Variants in NCK2 observed in about 807,000 individuals in gnomAD.
NCK2 encodes the protein cytoplasmic protein NCK2.
NCK2 carries 16 observed loss-of-function variants against 33.9 expected under a neutral mutation model. The ratio of observed to expected loss-of-function variants is 0.47; its 90% confidence interval spans 0.32 to 0.72. The LOEUF (loss-of-function observed/expected upper bound fraction) is 0.72. NCK2 is among the 30% of genes least tolerant of loss of function. NCK2 has a pLI of 0.03. For missense variants in NCK2, 418 were observed against 537.3 expected, an observed-to-expected ratio of 0.78 and a Z score of 2.19; for synonymous variants, 273 against 239.9, an observed-to-expected ratio of 1.14 and a Z score of -1.27.
chr2:105,839,979 A>G (rs79134111), intron 2 of NCK2, among the ~76,000 whole-genome samples: 14,464 of 152,220 alleles, frequency 0.095, 745 homozygotes, highest in South Asian at 0.15. Context: ...TGTAGTGGAC[A>G]TGCAGGTAAC....
At chr2:105,776,538 C>A (rs1690308714) in intron 1 of NCK2, among the ~76,000 whole-genome samples, 1 of 152,052 alleles carries the variant, frequency 6.6e-6, no homozygotes, top group Admixed American at 6.5e-5. Context: ...ATGCTGCCAG[C>A]CTTGGGTTGT....
chr2:105,773,409 G>T (rs1690199924), intron 1 of NCK2, among the ~76,000 whole-genome samples: 1 of 152,032 alleles, frequency 6.6e-6, no homozygotes, highest in Admixed American at 6.6e-5. Context: ...GCTCATGCTG[G>T]TTTTTCATCC....
At chr2:105,822,584 T>C (rs1437131403) in intron 2 of NCK2, among the ~76,000 whole-genome samples, 1 of 151,996 alleles carries the variant, frequency 6.6e-6, no homozygotes, top group African/African-American at 2.4e-5. Context: ...GTGGTGGTGA[T>C]CAAGGTTATG....
At chr2:105,809,697 A>G (rs969896510) in intron 1 of NCK2, among the ~76,000 whole-genome samples, 4 of 152,206 alleles carry the variant, frequency 2.6e-5, no homozygotes, top group African/African-American at 9.7e-5. Flanking sequence ...TCATGGTGTA[A>G]TCAGTACTAT....
chr2:105,844,689 C>A lies in NCK2; in HGVS notation c.-16-10359C>A, dbSNP rs567255018. Among the ~76,000 whole-genome samples, 27 of 148,780 alleles carry A rather than the reference C, an allele frequency of 1.8e-4. No individual in the cohort carries two copies. In the East Asian group the frequency reaches 4.9e-3, roughly 27 times the overall value. ...GGAGGAGGTTGCAGTGAGCTGAGAT[C>A]GCGCCACTGCACTCCAGCCTGAGCA... is the stretch of plus-strand genomic sequence containing the variant. On this transcript the variant is annotated intron_variant, in intron 2 of 4. Coordinates refer to ENST00000233154, the MANE Select transcript of NCK2 (RefSeq NM_003581.5).
intron 2 of NCK2, among the ~76,000 whole-genome samples, chr2:105,838,517 G>C (rs1676518100): frequency 6.6e-6 from 1 of 152,078 alleles, no homozygotes; most frequent in South Asian, 2.1e-4. Flanking sequence ...CAAAGTAGCT[G>C]AATAATATAA....
intron 1 of NCK2, among the ~76,000 whole-genome samples, chr2:105,805,874 G>A (rs141649990): frequency 1.7e-4 from 26 of 152,314 alleles, no homozygotes; most frequent in African/African-American, 5.8e-4. Flanking sequence ...TCAGGGTTTG[G>A]ATTTTTCCAG....
chr2:105,800,665 A>AC (rs1160849751), intron 1 of NCK2, among the ~76,000 whole-genome samples: 1 of 152,170 alleles, frequency 6.6e-6, no homozygotes, highest in African/African-American at 2.4e-5. Flanking sequence ...AGATAAATGG[A>AC]CCGAGAGAGT....
rs906834217 is a variant in NCK2, at chr2:105,863,971, A to AG, written c.226+8689dup. ...CTCTGAGCTGGGTTGAGACTTGGCG[A>AG]GGGGGGGTGGGGTCTCACTTGAGGG... On this transcript the variant is annotated intron_variant, in intron 3 of 4. Coordinates refer to ENST00000233154, the MANE Select transcript of NCK2 (RefSeq NM_003581.5). Among the ~76,000 whole-genome samples, 23 of 146,216 alleles carry AG rather than the reference A, an allele frequency of 1.6e-4. 1 individual carries two copies. Among genetic ancestry groups the AG allele is most frequent in the African/African-American group, 5.4e-4 (22 of 40,910 alleles).
At position 105,893,226 on chromosome 2, in the gene NCK2, C is replaced by G. The variant is rs933824937; in HGVS notation, c.*50C>G. The stretch of plus-strand genomic sequence containing the variant: ...TCCCGGGCCCCACGGTGGAGCTGCC[C>G]GCCCGGCCTTGTGGCAGAGGCTCCT... On this transcript the variant is annotated 3_prime_UTR_variant, in exon 5 of 5. Coordinates refer to ENST00000233154, the MANE Select transcript of NCK2 (RefSeq NM_003581.5). 7.3e-6 allele frequency: 11 copies of G among 1,504,810 alleles called. No individual in the cohort carries two copies. The Middle Eastern group carries it at 6.3e-4, about 86-fold the overall frequency. 93.2% of individuals were successfully genotyped at this position (1,504,810 alleles called of 1,614,324 possible).
chr2:105,789,517 T>G (rs1690801628), intron 1 of NCK2, among the ~76,000 whole-genome samples: 1 of 152,210 alleles, frequency 6.6e-6, no homozygotes, highest in Non-Finnish European at 1.5e-5. Context: ...GAGAAAAACA[T>G]TAGCCTTCTT....
In NCK2 at chr2:105,881,716, C is replaced by G; in HGVS notation, c.615C>G (p.Pro205=). 6.2e-7 allele frequency: 1 copy of G among 1,614,230 alleles called. No individual in the cohort carries two copies. The highest frequency in any genetic ancestry group is 8.5e-7 in the Non-Finnish European group (1 of 1,180,038). ...TGCATGTGGTCCAGACGCTGTACCCCTTCAGCTCAGTCACCGAGGAGGAGC... is the reference window on the plus strand; with the variant it reads ...TGCATGTGGTCCAGACGCTGTACCCGTTCAGCTCAGTCACCGAGGAGGAGC... ...RVLHVVQTLY[P]FSSVTEEELN... Residue 205 remains proline (P), a synonymous_variant, in exon 4 of 5, where the codon CCC becomes CCG. Coordinates refer to ENST00000233154, the MANE Select transcript of NCK2 (RefSeq NM_003581.5).
At chr2:105,874,380 T>C (rs997717783) in intron 3 of NCK2, among the ~76,000 whole-genome samples, 5 of 152,240 alleles carry the variant, frequency 3.3e-5, no homozygotes, top group Admixed American at 1.3e-4. Context: ...CTTATCTCCA[T>C]AGTATTTAAT....
chr2:105,757,461 G>A (rs1023088374), intron 1 of NCK2, among the ~76,000 whole-genome samples: 3 of 152,144 alleles, frequency 2.0e-5, no homozygotes, highest in Non-Finnish European at 4.4e-5. Flanking sequence ...GGAAGTATAT[G>A]GGTGCAGAGA....
chr2:105,887,563 A>C (rs904750629), intron 4 of NCK2, among the ~76,000 whole-genome samples: 2 of 152,184 alleles, frequency 1.3e-5, no homozygotes, highest in Non-Finnish European at 2.9e-5. Context: ...GAGAAGTTTT[A>C]AGGTTTAAAG....
chr2:105,893,457 C>G lies in NCK2; in HGVS notation c.*281C>G, dbSNP rs913771424. 2.8e-6 allele frequency: 1 copy of G among 356,558 alleles called. No individual in the cohort carries two copies. Among genetic ancestry groups the G allele is most frequent in the Admixed American group, 3.8e-5 (1 of 26,440 alleles). The allele number at this position is 356,558 out of a possible 1,614,324, so 22.1% of individuals were successfully genotyped here. A position where few individuals can be genotyped will look rare whatever the true frequency, so the allele number is the denominator to read the frequency against. On this transcript the variant is annotated 3_prime_UTR_variant, in exon 5 of 5. Transcript: ENST00000233154. ...GGCGCTCGTGCATTCAACTCGTTCC[C>G]GCTCATGGAACCCCTCTTTAAAAAG...
intron 2 of NCK2, among the ~76,000 whole-genome samples, chr2:105,828,759 T>A (rs1462941608): frequency 6.6e-6 from 1 of 152,234 alleles, no homozygotes; most frequent in Non-Finnish European, 1.5e-5. Flanking sequence ...GATGCTGCTG[T>A]GTTGACCTCT....
At chr2:105,753,832 G>C (rs1689526458) in intron 1 of NCK2, among the ~76,000 whole-genome samples, 1 of 152,248 alleles carries the variant, frequency 6.6e-6, no homozygotes, top group Non-Finnish European at 1.5e-5. Context: ...CATCTGGGAA[G>C]GTCTTGAAGA....
chr2:105,866,737 G>A (rs1171133713), intron 3 of NCK2, among the ~76,000 whole-genome samples: 1 of 152,214 alleles, frequency 6.6e-6, no homozygotes, highest in Admixed American at 6.5e-5. Flanking sequence ...GTACTGGTCT[G>A]TGGCCCCGGG....
Sources: allele counts gnomAD v4.1 joint callset (sites outside exome capture counted in the v4.1 genomes callset), GRCh38; gene constraint gnomAD v4.1.1; transcripts MANE v1.5; gene names NCBI Gene and HGNC (gene_info 2026-07-23, HGNC 2026-07-21).